Variants in GDPD4 observed in about 807,000 individuals in gnomAD.
The protein encoded by GDPD4 is glycerophosphodiester phosphodiesterase domain containing 4.
In GDPD4, 60 loss-of-function variants were observed where a neutral mutation model predicts 67.8. That is an observed-to-expected ratio of 0.88 (90% confidence interval 0.72 to 1.10). The LOEUF is 1.10. Ranked by LOEUF, GDPD4 falls within the 50% of genes least tolerant of loss-of-function variation. The probability of loss-of-function intolerance (pLI) is 0.00; values close to 1 mark genes in which losing one functional copy is unlikely to be tolerated. For missense variants in GDPD4, 623 were observed against 613.9 expected, an observed-to-expected ratio of 1.01 and a Z score of -0.16; for synonymous variants, 212 against 210.9, an observed-to-expected ratio of 1.00 and a Z score of -0.04.
At chr11:77,224,143 A>G (rs925087457) in intron 16 of GDPD4, 3 of 152,184 alleles carry the variant, frequency 2.0e-5, no homozygotes, top group Admixed American at 2.0e-4. Context: ...GACCCCTTGC[A>G]TTTCCCAGGT....
chr11:77,275,426 G>A (rs957797763), intron 5 of GDPD4, among the ~76,000 whole-genome samples: 2 of 152,128 alleles, frequency 1.3e-5, no homozygotes, highest in African/African-American at 4.8e-5. Flanking sequence ...CCAAGACGGG[G>A]TAAAAAGGAC....
chr11:77,250,686 AAGTAC>A (rs1475926930), intron 11 of GDPD4, among the ~76,000 whole-genome samples: 1 of 152,202 alleles, frequency 6.6e-6, no homozygotes, highest in Non-Finnish European at 1.5e-5. Flanking sequence ...CATTTGGTCC[AAGTAC>A]AGTTTCAATC....
rs375688217 is a variant in GDPD4 at position 77,299,856 on chromosome 11, G to A, written c.-254+1749C>T. ...ACACAAAGAATGTAACTAAGGGAAG[G>A]GTGAACAGTTGGAGTCAAATAATAC... On this transcript the variant is annotated intron_variant, in intron 1 of 16. Coordinates refer to ENST00000315938, the MANE Select transcript of GDPD4 (RefSeq NM_182833.3). 2.0e-5 allele frequency among the ~76,000 whole-genome samples: 3 copies of A among 152,244 alleles called. No individual in the cohort carries two copies. The South Asian group carries it at 6.2e-4, about 32-fold the overall frequency.
intron 16 of GDPD4, among the ~76,000 whole-genome samples, chr11:77,225,386 A>G (rs1958309356): frequency 6.6e-6 from 1 of 152,102 alleles, no homozygotes; most frequent in Admixed American, 6.6e-5. Context: ...GCAGTGGTGG[A>G]GCAGAGGCAG....
At chr11:77,217,430 C>A in intron 16 of GDPD4, 116 bp from the exon 17 acceptor site, 1 of 870,456 alleles carries the variant, frequency 1.1e-6, no homozygotes. Context: ...CTTTCAGGTT[C>A]TTTCCTCCAA....
chr11:77,264,942 T>C (rs927964686), intron 10 of GDPD4, among the ~76,000 whole-genome samples: 3 of 152,164 alleles, frequency 2.0e-5, no homozygotes, highest in African/African-American at 7.2e-5. Flanking sequence ...GAAATTTTCA[T>C]TAGTAAAAGT....
chr11:77,278,719 T>C (rs1959608491), intron 4 of GDPD4, among the ~76,000 whole-genome samples: 1 of 152,222 alleles, frequency 6.6e-6, no homozygotes, highest in Admixed American at 6.5e-5. Flanking sequence ...AAACTCTGTC[T>C]AAAGTTATCC....
At chr11:77,263,813 C>T (rs1355581329) in intron 10 of GDPD4, among the ~76,000 whole-genome samples, 1 of 152,104 alleles carries the variant, frequency 6.6e-6, no homozygotes, top group African/African-American at 2.4e-5. Flanking sequence ...CCAACAGAAA[C>T]TAGTTATCAC....
chr11:77,280,466 A>G (rs1290668336), intron 3 of GDPD4, among the ~76,000 whole-genome samples: 1 of 151,974 alleles, frequency 6.6e-6, no homozygotes, highest in Non-Finnish European at 1.5e-5. Context: ...AGCACTCTAG[A>G]TGTAGTCAAA....
chr11:77,227,783 G>T, intron 16 of GDPD4, 81 bp downstream of exon 16: 1 of 1,016,854 alleles, frequency 9.8e-7, no homozygotes, highest in South Asian at 1.3e-5. Flanking sequence ...CTCTTGTCAG[G>T]GACATGAAAA....
At chr11:77,229,471 T>C (rs977270997) in intron 14 of GDPD4, among the ~76,000 whole-genome samples, 1 of 152,118 alleles carries the variant, frequency 6.6e-6, no homozygotes, top group Non-Finnish European at 1.5e-5. Context: ...ACACCTTTCA[T>C]CTCACCTTTC....
chr11:77,239,642 T>A (rs1958627327), intron 13 of GDPD4, among the ~76,000 whole-genome samples: 1 of 152,032 alleles, frequency 6.6e-6, no homozygotes, highest in Non-Finnish European at 1.5e-5. Context: ...AGGTGAAAGA[T>A]CTGTACACTA....
rs57989259 is a variant in GDPD4, at chr11:77,235,009, G to GTTTTTTTTTTTTTTTTTTTTT, written c.1242-1858_1242-1838dup. Among the ~76,000 whole-genome samples the GTTTTTTTTTTTTTTTTTTTTT allele has an allele frequency of 6.3e-4, 33 of 52,262 alleles. 4 individuals are homozygous for GTTTTTTTTTTTTTTTTTTTTT. Among genetic ancestry groups the GTTTTTTTTTTTTTTTTTTTTT allele is most frequent in the Non-Finnish European group, 8.1e-4 (22 of 27,084 alleles). The allele number at this position is 52,262 out of a possible 152,430, so 34.3% of individuals were successfully genotyped here. On this transcript the variant is annotated intron_variant, in intron 13 of 16. Coordinates refer to ENST00000315938, the MANE Select transcript of GDPD4 (RefSeq NM_182833.3). Reference sequence around the variant, plus strand: ...TCTCTCTGCAACCTTGTCAATATCTGTTTTTTTTTTTTTTTTTTTTTTTTT... The same window carrying GTTTTTTTTTTTTTTTTTTTTT: ...TCTCTCTGCAACCTTGTCAATATCTGTTTTTTTTTTTTTTTTTTTTTTTTTTTTTTTTTTTTTTTTTTTTTT...
intron 1 of GDPD4, among the ~76,000 whole-genome samples, chr11:77,296,830 C>T (rs2725825): frequency 0.19 from 28,930 of 148,846 alleles, 3,636 homozygotes; most frequent in Non-Finnish European, 0.28. Context: ...GAGGCCGAGG[C>T]GGGCAGATCA....
At chr11:77,284,941 C>T in intron 3 of GDPD4, 144 bp downstream of exon 3, 1 of 652,812 alleles carries the variant, frequency 1.5e-6, no homozygotes, top group Non-Finnish European at 2.7e-6. Context: ...CAGAGGCAGG[C>T]CTCTCACCCA....
At chr11:77,284,998 C>T (rs1303840859) in intron 3 of GDPD4, 87 bp downstream of exon 3, 10 of 967,432 alleles carry the variant, frequency 1.0e-5, no homozygotes, top group African/African-American at 3.2e-5. Context: ...ACTATATCAC[C>T]GGATCTTTTC....
At chr11:77,243,537 G>A (rs536589271) in intron 13 of GDPD4, among the ~76,000 whole-genome samples, 157 bp downstream of exon 13, 2 of 137,040 alleles carry the variant, frequency 1.5e-5, no homozygotes, top group African/African-American at 5.3e-5. Context: ...GGGAGGGAGG[G>A]AGGGAGGAAG....
intron 1 of GDPD4, among the ~76,000 whole-genome samples, chr11:77,292,899 G>A (rs1937829398): frequency 6.6e-6 from 1 of 151,874 alleles, no homozygotes; most frequent in Non-Finnish European, 1.5e-5. Flanking sequence ...CACTCAAGAA[G>A]GAATAGAAAA....
chr11:77,236,144 C>T (rs922850091), intron 13 of GDPD4, among the ~76,000 whole-genome samples: 2 of 151,870 alleles, frequency 1.3e-5, no homozygotes, highest in South Asian at 4.2e-4. Context: ...AATATGTGAA[C>T]TAAATTTTTT....
Sources: gnomAD v4.1 joint callset for allele counts (sites outside exome capture counted in the v4.1 genomes callset) on GRCh38, gnomAD v4.1.1 for gene constraint, MANE v1.5 for transcripts, NCBI Gene and HGNC (gene_info 2026-07-23, HGNC 2026-07-21) for gene names.